Variants in MAPK10 observed in about 807,000 individuals in gnomAD.
The protein encoded by MAPK10 is JNK3 alpha protein kinase.
Under a neutral mutation model 59.3 loss-of-function variants are expected in MAPK10, and 25 were observed. The ratio of observed to expected loss-of-function variants is 0.42; its 90% CI spans 0.31 to 0.59. The LOEUF is 0.59. Among genes scored for constraint, MAPK10 ranks in the 20% least tolerant of loss-of-function variants. The pLI is 0.15. For missense variants in MAPK10, 351 were observed against 568.9 expected (o/e 0.62, Z 3.90); for synonymous variants, 190 against 200.5 (o/e 0.95, Z 0.44).
At chr4:86,364,002 G>A (rs36057902), upstream of MAPK10, among the ~76,000 whole-genome samples, 34,771 of 151,996 alleles carry the variant, frequency 0.23, 4,519 homozygotes, top group South Asian at 0.43. Flanking sequence ...GGCTGATCTC[G>A]AATTCCTGAA....
intron 1 of MAPK10, among the ~76,000 whole-genome samples, chr4:86,467,770 G>A (rs1000308280): frequency 2.0e-5 from 3 of 152,086 alleles, no homozygotes; most frequent in East Asian, 1.9e-4. Flanking sequence ...CGCGCACCTC[G>A]GCCTCCCAAA....
intron 1 of MAPK10, among the ~76,000 whole-genome samples, chr4:86,576,687 A>G (rs1578162116): frequency 6.6e-6 from 1 of 152,016 alleles, no homozygotes; most frequent in African/African-American, 2.4e-5. Context: ...AGGCAGGAGA[A>G]TGGCATGAAC....
intron 2 of MAPK10, among the ~76,000 whole-genome samples, chr4:86,307,051 GA>G: frequency 6.6e-6 from 1 of 152,068 alleles, no homozygotes; most frequent in Non-Finnish European, 1.5e-5. Context: ...ATGAGTAAAT[GA>G]AGCATAACTA....
At chr4:86,408,838 C>T (rs1438695863) in intron 1 of MAPK10, among the ~76,000 whole-genome samples, 1 of 152,064 alleles carries the variant, frequency 6.6e-6, no homozygotes, top group Non-Finnish European at 1.5e-5. Context: ...AAATTTTCTC[C>T]CATTCTGTAG....
At chr4:86,271,177 A>G (rs1273362882) in intron 2 of MAPK10, among the ~76,000 whole-genome samples, 3 of 152,058 alleles carry the variant, frequency 2.0e-5, no homozygotes, top group East Asian at 1.9e-4. Flanking sequence ...CATCACCAAC[A>G]TTTAATATCG....
chr4:86,037,306 G>A (rs895238577), intron 11 of MAPK10, among the ~76,000 whole-genome samples: 1 of 152,104 alleles, frequency 6.6e-6, no homozygotes, highest in South Asian at 2.1e-4. Flanking sequence ...AGATCACGAG[G>A]TCAGGAGATC....
intron 1 of MAPK10, among the ~76,000 whole-genome samples, chr4:86,412,799 A>T (rs1303217773): frequency 1.3e-5 from 2 of 152,174 alleles, no homozygotes; most frequent in East Asian, 3.9e-4. Flanking sequence ...TTAGTCATTC[A>T]TCTAACCTTT....
chr4:86,546,786 T>C (rs1759215587), intron 1 of MAPK10, among the ~76,000 whole-genome samples: 1 of 151,970 alleles, frequency 6.6e-6, no homozygotes, highest in Non-Finnish European at 1.5e-5. Context: ...CTGGGCGGGG[T>C]GGCTCATGCC....
At chr4:86,421,062 A>T (rs1746469232) in intron 1 of MAPK10, among the ~76,000 whole-genome samples, 1 of 152,064 alleles carries the variant, frequency 6.6e-6, no homozygotes, top group Non-Finnish European at 1.5e-5. Flanking sequence ...AGCCTGGGTG[A>T]CATAGTGAGA....
At chr4:86,468,329 CT>C (rs1473079925) in intron 1 of MAPK10, among the ~76,000 whole-genome samples, 3 of 152,152 alleles carry the variant, frequency 2.0e-5, no homozygotes, top group Non-Finnish European at 2.9e-5. Flanking sequence ...CCCCCTCCCC[CT>C]ATTGCAATAG....
At chr4:86,504,145 T>G (rs149515185) in intron 1 of MAPK10, among the ~76,000 whole-genome samples, 1 of 152,194 alleles carries the variant, frequency 6.6e-6, no homozygotes, top group Non-Finnish European at 1.5e-5. Context: ...ATATTTTTTA[T>G]TGTCTGTCTC....
intron 1 of MAPK10, among the ~76,000 whole-genome samples, chr4:86,397,890 A>G (rs986793276): frequency 6.8e-6 from 1 of 147,716 alleles, no homozygotes; most frequent in Admixed American, 6.8e-5. Flanking sequence ...AAAAAAAAAA[A>G]CTGGCTTTTT....
At chr4:86,189,764 A>G (rs115747177) in intron 3 of MAPK10, among the ~76,000 whole-genome samples, 12,914 of 152,064 alleles carry the variant, frequency 0.085, 1,215 homozygotes, top group African/African-American at 0.23. Context: ...TGATTGCCCC[A>G]GTCAGAACTT....
chr4:86,532,247 T>C (rs970011605), intron 1 of MAPK10, among the ~76,000 whole-genome samples: 1 of 152,000 alleles, frequency 6.6e-6, no homozygotes, highest in Non-Finnish European at 1.5e-5. Flanking sequence ...ATCTTTAAAG[T>C]GGTGCTACCT....
At chr4:86,404,951 A>T (rs1048557161) in intron 1 of MAPK10, among the ~76,000 whole-genome samples, 10 of 152,216 alleles carry the variant, frequency 6.6e-5, no homozygotes, top group Admixed American at 2.0e-4. Context: ...TGAAATAGTG[A>T]TATTATCTAC....
At chr4:86,336,843 T>C (rs1008971704) in intron 2 of MAPK10, among the ~76,000 whole-genome samples, 1 of 132,252 alleles carries the variant, frequency 7.6e-6, no homozygotes, top group Non-Finnish European at 1.5e-5. Flanking sequence ...CAGGCTGGAG[T>C]GCAGTGGTGC....
intron 6 of MAPK10, among the ~76,000 whole-genome samples, chr4:86,102,679 C>T (rs2055706582): frequency 6.6e-6 from 1 of 152,116 alleles, no homozygotes; most frequent in South Asian, 2.1e-4. Context: ...TGCCACCACA[C>T]CTGGATAATT....
At chr4:86,365,468 A>AAAAAAAAAAAAAAAAG in intron 1 of MAPK10, among the ~76,000 whole-genome samples, 1 of 142,006 alleles carries the variant, frequency 7.0e-6, no homozygotes, top group Admixed American at 7.2e-5. Flanking sequence ...AAAAAAAAAA[A>AAAAAAAAAAAAAAAAG]TTCTCACCTT....
intron 2 of MAPK10, among the ~76,000 whole-genome samples, chr4:86,239,714 C>G (rs1450708465): frequency 6.7e-6 from 1 of 149,890 alleles, no homozygotes; most frequent in Admixed American, 6.7e-5. Flanking sequence ...TCATTTTTTA[C>G]TGTGTCTATT....
Sources: gnomAD v4.1 joint callset for allele counts (sites outside exome capture counted in the v4.1 genomes callset) on GRCh38, gnomAD v4.1.1 for gene constraint, MANE v1.5 for transcripts, NCBI Gene and HGNC (gene_info 2026-07-23, HGNC 2026-07-21) for gene names.